Variants in LAMA3 observed in about 807,000 individuals in gnomAD.
LAMA3 encodes laminin subunit alpha 3.
LAMA3 carries 281 observed loss-of-function variants against 402.0 expected under a neutral mutation model. The observed-to-expected ratio is 0.70, with a 90% CI of 0.63 to 0.77. The LOEUF is 0.77. Among genes scored for constraint, LAMA3 ranks in the 30% least tolerant of loss-of-function variants. The pLI, the probability that LAMA3 is intolerant of heterozygous loss-of-function variation, is 0.00. For synonymous variants in LAMA3, 1,431 were observed against 1,558.4 expected (o/e 0.92, Z 1.93); for missense variants, 3,840 against 4,215.5 (o/e 0.91, Z 2.47).
At chr18:23,714,212 C>A in intron 2 of LAMA3, 140 bp downstream of exon 2, 2 of 898,812 alleles carry the variant, frequency 2.2e-6, no homozygotes, top group Non-Finnish European at 3.4e-6. Flanking sequence ...GTTACATTAA[C>A]ATTTGCTTCC....
At position 23,689,695 on chromosome 18, in the gene LAMA3, C is replaced by T. The variant is rs943822767; in HGVS notation, c.12C>T (p.Ala4=). 7 of 1,320,880 alleles carry T rather than the reference C, an allele frequency of 5.3e-6. No individual in the cohort carries two copies. In the African/African-American group the frequency reaches 7.7e-5, roughly 15 times the overall value. The allele number at this position is 1,320,880 out of a possible 1,614,324, so 81.8% of individuals were successfully genotyped here. The part of the protein sequence containing the change: MAA[A]ARPRGRALGP... Reference sequence around the variant, plus strand: ...CCCCGCGCGGCTGGATGGCGGCGGCCGCGCGGCCTCGGGGTCGGGCACTGG... The same window carrying T: ...CCCCGCGCGGCTGGATGGCGGCGGCTGCGCGGCCTCGGGGTCGGGCACTGG... Residue 4 remains alanine (A), a synonymous_variant, in exon 1 of 75, where the codon GCC becomes GCT. Coordinates refer to ENST00000313654, the MANE Select transcript of LAMA3 (RefSeq NM_198129.4).
rs924371563 is a variant in LAMA3, at chr18:23,876,483, C to T, written c.5112+76C>T. 2.3e-5 allele frequency: 22 copies of T among 955,620 alleles called. No individual in the cohort carries two copies. In the Admixed American group the frequency reaches 2.9e-4, roughly 13 times the overall value. The allele number at this position is 955,620 out of a possible 1,614,324, so 59.2% of individuals were successfully genotyped here. A position where few individuals can be genotyped will look rare whatever the true frequency, so the allele number is the denominator to read the frequency against. ...CATTCCCCTGTACTATGCCCAAAGA[C>T]ATCAACATTACATCTCCCGCCAAAC... On this transcript the variant is annotated intron_variant, in intron 39 of 74. Coordinates refer to ENST00000313654, the MANE Select transcript of LAMA3 (RefSeq NM_198129.4).
chr18:23,946,435 GAGTA>G (rs2082715792), intron 70 of LAMA3, 151 bp downstream of exon 70: 1 of 893,188 alleles, frequency 1.1e-6, no homozygotes, highest in Non-Finnish European at 1.8e-6. Flanking sequence ...CAACCACATA[GAGTA>G]AGTGCCCATT....
intron 41 of LAMA3, among the ~76,000 whole-genome samples, chr18:23,887,350 A>T (rs1337053156): frequency 1.3e-5 from 2 of 152,170 alleles, no homozygotes; most frequent in African/African-American, 4.8e-5. Flanking sequence ...TTTAAAAGCC[A>T]CAGGGGACCA....
intron 2 of LAMA3, among the ~76,000 whole-genome samples, chr18:23,717,427 G>C (rs1263467770): frequency 6.6e-6 from 1 of 151,806 alleles, no homozygotes; most frequent in Non-Finnish European, 1.5e-5. Context: ...TTGTCAATTT[G>C]ACAGCTTATG....
intron 38 of LAMA3, chr18:23,872,988 G>A: frequency 1.2e-6 from 2 of 1,609,870 alleles, no homozygotes; most frequent in Non-Finnish European, 1.7e-6. Context: ...AGGAAGGGCA[G>A]GTATAAGAGG....
At chr18:23,939,105 C>A in intron 67 of LAMA3, 118 bp from the exon 68 acceptor site, 1 of 1,080,772 alleles carries the variant, frequency 9.3e-7, no homozygotes, top group Non-Finnish European at 1.4e-6. Flanking sequence ...ACCAGGCCTT[C>A]TATTGCCCTA....
Position 23,921,521 on chromosome 18 carries a change from G to C in LAMA3, c.8113G>C (p.Asp2705His), listed in dbSNP as rs144373141. Residue 2705 changes from aspartate (D) to histidine (H), a missense_variant, in exon 62 of 75, where the codon GAT becomes CAT. By Grantham distance (81) the Asp-to-His change is moderately conservative. Coordinates refer to ENST00000313654, the MANE Select transcript of LAMA3 (RefSeq NM_198129.4). ...TGTGGACGTTCAAAACACTATAATT[G>C]ATGGTGAAGTATTTGATTTCAGCAC... ...INVDVQNTII[D>H]GEVFDFSTYY... 8.1e-5 allele frequency: 130 copies of C among 1,613,458 alleles called. No homozygotes were observed. In the African/African-American group the frequency reaches 1.3e-3, roughly 17 times the overall value.
chr18:23,841,740 T>C (rs147047603), intron 27 of LAMA3, among the ~76,000 whole-genome samples: 3 of 152,158 alleles, frequency 2.0e-5, no homozygotes, highest in African/African-American at 7.2e-5. Context: ...CTGGAGAACA[T>C]AGGAAGACCC....
intron 6 of LAMA3, among the ~76,000 whole-genome samples, chr18:23,756,914 C>G (rs2061856407): frequency 6.7e-6 from 1 of 149,782 alleles, no homozygotes; most frequent in Non-Finnish European, 1.5e-5. Flanking sequence ...TCCCCGCTCC[C>G]CGTTCCCTGC....
At chr18:23,814,085 G>A (rs536445801) in intron 14 of LAMA3, among the ~76,000 whole-genome samples, 1 of 152,124 alleles carries the variant, frequency 6.6e-6, no homozygotes, top group South Asian at 2.1e-4. Flanking sequence ...TATTTAAATT[G>A]GTAGTCTATG....
chr18:23,846,739 C>T (rs1196282277), intron 31 of LAMA3, among the ~76,000 whole-genome samples: 1 of 152,198 alleles, frequency 6.6e-6, no homozygotes, highest in African/African-American at 2.4e-5. Flanking sequence ...TAGCAATGTT[C>T]TAGAAGATAA....
chr18:23,782,446 G>A (rs964558380), intron 11 of LAMA3, among the ~76,000 whole-genome samples: 1 of 152,090 alleles, frequency 6.6e-6, no homozygotes, highest in Non-Finnish European at 1.5e-5. Flanking sequence ...CGAGCTACTC[G>A]GGAGGCTGAG....
At chr18:23,745,167 T>C (rs1369113811) in intron 2 of LAMA3, among the ~76,000 whole-genome samples, 9 of 134,576 alleles carry the variant, frequency 6.7e-5, no homozygotes, top group Non-Finnish European at 1.0e-4. Flanking sequence ...TTTCAAAGAA[T>C]CAAAAATGTG....
At chr18:23,813,691 C>T (rs1187696922) in intron 14 of LAMA3, among the ~76,000 whole-genome samples, 1 of 151,440 alleles carries the variant, frequency 6.6e-6, no homozygotes, top group Non-Finnish European at 1.5e-5. Flanking sequence ...ACAGGCACGC[C>T]CCACCACACC....
intron 1 of LAMA3, among the ~76,000 whole-genome samples, chr18:23,709,319 CA>C (rs1208274792): frequency 6.6e-6 from 1 of 151,860 alleles, no homozygotes; most frequent in Non-Finnish European, 1.5e-5. Context: ...GCAATCTGCC[CA>C]TCTTGGCCTC....
At chr18:23,781,214 G>T in intron 11 of LAMA3, 1 of 436,498 alleles carries the variant, frequency 2.3e-6, no homozygotes, top group Non-Finnish European at 4.6e-6. Context: ...CGGTAAAAAC[G>T]TTCCCTTTCC....
intron 7 of LAMA3, among the ~76,000 whole-genome samples, chr18:23,762,888 G>A (rs554732068): frequency 3.1e-4 from 44 of 143,880 alleles, no homozygotes; most frequent in Non-Finnish European, 6.5e-4. Flanking sequence ...ATGGAGTCTC[G>A]CTCTGTCACC....
chr18:23,882,369 C>T (rs1204714694), intron 40 of LAMA3, among the ~76,000 whole-genome samples: 2 of 152,166 alleles, frequency 1.3e-5, no homozygotes, highest in Non-Finnish European at 2.9e-5. Context: ...GTGGCTCATG[C>T]CTGTAATCCT....
Sources: gnomAD v4.1 joint callset for allele counts (sites outside exome capture counted in the v4.1 genomes callset) on GRCh38, gnomAD v4.1.1 for gene constraint, MANE v1.5 for transcripts, NCBI Gene and HGNC (gene_info 2026-07-23, HGNC 2026-07-21) for gene names.